Variants in NKAIN2 observed in about 807,000 individuals in gnomAD.
NKAIN2 encodes sodium/potassium transporting ATPase interacting 2, also known as sodium/potassium-transporting ATPase subunit beta-1-interacting protein 2.
In NKAIN2, 14 loss-of-function variants were observed where a neutral mutation model predicts 32.6. That is an observed-to-expected ratio of 0.43 (90% CI 0.28 to 0.67). The LOEUF (loss-of-function observed/expected upper bound fraction) is 0.67. NKAIN2 is among the 30% of genes least tolerant of loss of function. NKAIN2 has a pLI of 0.17. For missense variants in NKAIN2, 198 were observed against 258.3 expected (o/e 0.77, Z 1.60); for synonymous variants, 80 against 87.2 (o/e 0.92, Z 0.46).
chr6:124,281,329 T>C (rs1221873273), intron 1 of NKAIN2, among the ~76,000 whole-genome samples: 1 of 152,228 alleles, frequency 6.6e-6, no homozygotes, highest in Non-Finnish European at 1.5e-5. Flanking sequence ...TAGTTTTTGA[T>C]ACCATTCACA....
At chr6:124,593,977 G>A (rs1781997765) in intron 3 of NKAIN2, among the ~76,000 whole-genome samples, 1 of 152,200 alleles carries the variant, frequency 6.6e-6, no homozygotes, top group Non-Finnish European at 1.5e-5. Flanking sequence ...TACGTTTAAA[G>A]TCCCGTAAAC....
intron 2 of NKAIN2, among the ~76,000 whole-genome samples, chr6:124,349,609 A>G (rs759240872): frequency 1.3e-5 from 2 of 152,138 alleles, no homozygotes; most frequent in African/African-American, 2.4e-5. Context: ...TCCAGCTGGT[A>G]TTTAATAAAA....
intron 4 of NKAIN2, among the ~76,000 whole-genome samples, chr6:124,718,482 G>A (rs1257201366): frequency 6.6e-6 from 1 of 152,200 alleles, no homozygotes; most frequent in Non-Finnish European, 1.5e-5. Flanking sequence ...TTCACCAGTT[G>A]ATGGTCAACT....
intron 1 of NKAIN2, among the ~76,000 whole-genome samples, chr6:124,101,239 T>C (rs1204628688): frequency 6.7e-6 from 1 of 149,330 alleles, no homozygotes; most frequent in East Asian, 1.9e-4. Context: ...TCTGGAGGGC[T>C]GAAAAAAAAA....
intron 1 of NKAIN2, among the ~76,000 whole-genome samples, chr6:124,099,894 A>G (rs1784803643): frequency 6.6e-6 from 1 of 152,184 alleles, no homozygotes; most frequent in African/African-American, 2.4e-5. Context: ...AAAAAGAAGT[A>G]GGGGACTCTT....
chr6:124,294,584 T>G (rs1795967222), intron 2 of NKAIN2, among the ~76,000 whole-genome samples: 1 of 152,200 alleles, frequency 6.6e-6, no homozygotes, highest in Non-Finnish European at 1.5e-5. Context: ...TAATATTCTT[T>G]ATAGTATTTA....
chr6:124,550,844 G>A lies in NKAIN2; in HGVS notation c.274-107342G>A, dbSNP rs998433639. On this transcript the variant is annotated intron_variant, in intron 3 of 6. Coordinates refer to ENST00000368417, the MANE Select transcript of NKAIN2 (RefSeq NM_001040214.3). Reference sequence around the variant, plus strand: ...ATAGATTTTGATTTCGGTAGAAAATGAGGAAGTTTCTGTTTGTTTCCCTGG... The same window carrying A: ...ATAGATTTTGATTTCGGTAGAAAATAAGGAAGTTTCTGTTTGTTTCCCTGG... Among the ~76,000 whole-genome samples, 8 of 152,154 alleles carry A rather than the reference G, an allele frequency of 5.3e-5. No homozygotes were observed. The East Asian group carries it at 1.5e-3, about 29-fold the overall frequency.
intron 1 of NKAIN2, among the ~76,000 whole-genome samples, chr6:123,920,878 A>T (rs1775720673): frequency 6.6e-6 from 1 of 152,182 alleles, no homozygotes; most frequent in Admixed American, 6.5e-5. Flanking sequence ...AAGATGTCAG[A>T]CAAGAATACG....
At chr6:124,048,310 G>A (rs1782239331) in intron 1 of NKAIN2, among the ~76,000 whole-genome samples, 1 of 151,996 alleles carries the variant, frequency 6.6e-6, no homozygotes, top group African/African-American at 2.4e-5. Flanking sequence ...CTGGATCAGA[G>A]TTACAGCACT....
intron 4 of NKAIN2, among the ~76,000 whole-genome samples, chr6:124,676,094 G>A (rs1015987618): frequency 6.6e-5 from 10 of 151,854 alleles, no homozygotes; most frequent in African/African-American, 2.2e-4. Context: ...TTGGTTGTTC[G>A]AGAATGTATT....
chr6:124,701,012 T>C (rs1160318433), intron 4 of NKAIN2, among the ~76,000 whole-genome samples: 1 of 151,792 alleles, frequency 6.6e-6, no homozygotes, highest in Non-Finnish European at 1.5e-5. Context: ...TTCTGAAATT[T>C]TGGAGACTAA....
chr6:124,032,863 T>C (rs1030653541), intron 1 of NKAIN2, among the ~76,000 whole-genome samples: 1 of 152,104 alleles, frequency 6.6e-6, no homozygotes, highest in African/African-American at 2.4e-5. Context: ...ATAGGAATAG[T>C]ATTAACAATA....
At chr6:124,160,687 C>A (rs1026236604) in intron 1 of NKAIN2, among the ~76,000 whole-genome samples, 1 of 151,940 alleles carries the variant, frequency 6.6e-6, no homozygotes, top group African/African-American at 2.4e-5. Context: ...TTATTATGAT[C>A]CTAAACTACC....
intron 4 of NKAIN2, among the ~76,000 whole-genome samples, chr6:124,718,151 A>G (rs558906617): frequency 2.6e-4 from 40 of 152,284 alleles, no homozygotes; most frequent in African/African-American, 9.6e-4. Flanking sequence ...TATAATCACA[A>G]TTGTGCAACC....
intron 1 of NKAIN2, among the ~76,000 whole-genome samples, chr6:124,219,586 T>A (rs892136046): frequency 6.6e-6 from 1 of 152,024 alleles, no homozygotes; most frequent in Non-Finnish European, 1.5e-5. Flanking sequence ...CCAACACTTA[T>A]TGAATACGAG....
intron 1 of NKAIN2, among the ~76,000 whole-genome samples, chr6:124,008,913 A>C (rs1346617920): frequency 6.6e-6 from 1 of 152,180 alleles, no homozygotes; most frequent in African/African-American, 2.4e-5. Flanking sequence ...AAACAGTAGA[A>C]TTGTGTGTTG....
At chr6:124,613,890 T>G (rs1180347283) in intron 3 of NKAIN2, among the ~76,000 whole-genome samples, 1 of 152,202 alleles carries the variant, frequency 6.6e-6, no homozygotes, top group African/African-American at 2.4e-5. Flanking sequence ...TAAATATATG[T>G]GGAATAATGA....
At chr6:124,543,348 A>T (rs1208521410) in intron 3 of NKAIN2, among the ~76,000 whole-genome samples, 1 of 152,180 alleles carries the variant, frequency 6.6e-6, no homozygotes, top group East Asian at 1.9e-4. Context: ...TAGATTAGTA[A>T]ATAACTCATT....
intron 3 of NKAIN2, among the ~76,000 whole-genome samples, chr6:124,418,797 T>C (rs890286311): frequency 2.6e-5 from 4 of 151,780 alleles, no homozygotes; most frequent in Non-Finnish European, 2.9e-5. Context: ...CTGTTAGCAC[T>C]CTTATCCTGT....
Sources: gnomAD v4.1 joint callset for allele counts (sites outside exome capture counted in the v4.1 genomes callset) on GRCh38, gnomAD v4.1.1 for gene constraint, MANE v1.5 for transcripts, NCBI Gene and HGNC (gene_info 2026-07-23, HGNC 2026-07-21) for gene names.